Variants in ZIM2 observed in about 807,000 individuals in gnomAD.
ZIM2 encodes zinc finger protein 656.
ZIM2 carries 14 observed loss-of-function variants against 38.6 expected under a neutral mutation model. The observed-to-expected ratio is 0.36, with a 90% CI of 0.24 to 0.57. The LOEUF is 0.57. ZIM2 is among the 20% of genes least tolerant of loss of function. The pLI is 0.81. For missense variants in ZIM2, 680 were observed against 695.1 expected (o/e 0.98, Z 0.24); for synonymous variants, 247 against 245.8 (o/e 1.00, Z -0.04).
intron 9 of ZIM2, among the ~76,000 whole-genome samples, chr19:56,800,992 G>A (rs2047496394): frequency 6.7e-6 from 1 of 148,316 alleles, no homozygotes; most frequent in African/African-American, 2.5e-5. Context: ...CTGGAGTGCA[G>A]TGGCACGATC....
chr19:56,830,945 T>C (rs1384799645), intron 2 of ZIM2, among the ~76,000 whole-genome samples: 6 of 150,834 alleles, frequency 4.0e-5, no homozygotes, highest in Admixed American at 4.0e-4. Context: ...TAAAAAACAA[T>C]AAAAAATAAA....
At chr19:56,803,195 G>A (rs1200210070) in intron 9 of ZIM2, among the ~76,000 whole-genome samples, 1 of 152,204 alleles carries the variant, frequency 6.6e-6, no homozygotes, top group Non-Finnish European at 1.5e-5. Flanking sequence ...AATGCTTATT[G>A]ATGACCCCCA....
At position 56,823,377 on chromosome 19, in the gene ZIM2, A is replaced by C. The variant is rs139403207; in HGVS notation, c.106+213T>G. ...AATAGCTTTATATACTTTATCGTTGAATAAAACGGTATTAAGTATTTAAGG... is the reference window on the plus strand; with the variant it reads ...AATAGCTTTATATACTTTATCGTTGCATAAAACGGTATTAAGTATTTAAGG... On this transcript the variant is annotated intron_variant, in intron 5 of 12. Transcript: ENST00000629319. 2.8e-3 allele frequency among the ~76,000 whole-genome samples: 428 copies of C among 152,308 alleles called. 1 individual carries two copies. Among genetic ancestry groups the C allele is most frequent in the South Asian group, 7.3e-3 (35 of 4,822 alleles).
At chr19:56,812,063 G>A in intron 9 of ZIM2, 1 of 944,298 alleles carries the variant, frequency 1.1e-6, no homozygotes. Context: ...TCCCCCAGTG[G>A]GTACTTTAAT....
intron 10 of ZIM2, among the ~76,000 whole-genome samples, chr19:56,784,383 T>C (rs958496341): frequency 3.3e-5 from 5 of 152,204 alleles, no homozygotes; most frequent in Non-Finnish European, 7.3e-5. Context: ...AAAAAGATTG[T>C]TAAAAGAGAA....
chr19:56,815,883 C>T (rs2146183208), intron 9 of ZIM2: 1 of 1,613,350 alleles, frequency 6.2e-7, no homozygotes, highest in Middle Eastern at 1.7e-4. Flanking sequence ...CATTAGATTC[C>T]ACCAATTCAT....
At chr19:56,798,298 G>A (rs1018911714) in intron 9 of ZIM2, 7 of 152,192 alleles carry the variant, frequency 4.6e-5, no homozygotes, top group Admixed American at 3.3e-4. Flanking sequence ...CTAAAATACT[G>A]AGGTAAAGGC....
At chr19:56,812,237 T>C (rs1362786112) in intron 9 of ZIM2, 2 of 979,826 alleles carry the variant, frequency 2.0e-6, no homozygotes, top group Non-Finnish European at 2.4e-6. Flanking sequence ...GTCCACAGAA[T>C]AGGACACAAG....
intron 9 of ZIM2, among the ~76,000 whole-genome samples, chr19:56,803,358 A>G (rs1187384225): frequency 2.6e-5 from 4 of 152,196 alleles, no homozygotes; most frequent in Non-Finnish European, 5.9e-5. Context: ...TGGAAGTCCA[A>G]TGGTTCACTG....
At chr19:56,813,842 C>A (rs749731043) in intron 9 of ZIM2, 1 of 1,614,142 alleles carries the variant, frequency 6.2e-7, no homozygotes, top group Non-Finnish European at 8.5e-7. Flanking sequence ...TTTGCAGGCT[C>A]AAATATGATC....
chr19:56,828,439 T>A (rs1258424579), intron 2 of ZIM2, among the ~76,000 whole-genome samples: 2 of 152,152 alleles, frequency 1.3e-5, no homozygotes, highest in Non-Finnish European at 2.9e-5. Flanking sequence ...CATCTGCCCA[T>A]GTGCACAAAG....
chr19:56,827,414 C>A (rs2061151713), intron 2 of ZIM2, among the ~76,000 whole-genome samples: 1 of 151,314 alleles, frequency 6.6e-6, no homozygotes, highest in Non-Finnish European at 1.5e-5. Flanking sequence ...ACAGAAAAAC[C>A]TTAAAAAAAA....
Position 56,775,329 on chromosome 19 carries a change from A to G in ZIM2, c.1036T>C (p.Cys346Arg), listed in dbSNP as rs1342362036. 21 of 1,614,080 alleles carry G rather than the reference A, an allele frequency of 1.3e-5. No individual in the cohort carries two copies. The highest frequency in any genetic ancestry group is 1.7e-5 in the Non-Finnish European group (20 of 1,180,048). Reference sequence around the variant, plus strand: ...TGGGATGCTGACTGGGGACTCGTACATATTCCAGGAGCAGTGCCTTCCTGG... The same window carrying G: ...TGGGATGCTGACTGGGGACTCGTACGTATTCCAGGAGCAGTGCCTTCCTGG... ...DPQEGTAPGI[C>R]TSPQSASQEN... The change falls in exon 13 of 13, where the codon TGT becomes CGT. Residue 346 changes from cysteine to arginine, a missense_variant. Physicochemically the swap from Cys to Arg is radical, Grantham distance 180. Coordinates refer to ENST00000629319, the MANE Select transcript of ZIM2 (RefSeq NM_001387356.1).
chr19:56,824,010 C>CT (rs947297994), intron 4 of ZIM2, among the ~76,000 whole-genome samples: 22 of 152,298 alleles, frequency 1.4e-4, no homozygotes, highest in Admixed American at 1.4e-3. Flanking sequence ...CCTCTCCTGA[C>CT]TCAGGATGGT....
intron 9 of ZIM2, among the ~76,000 whole-genome samples, chr19:56,800,723 C>T (rs932122849): frequency 1.3e-5 from 2 of 151,640 alleles, no homozygotes; most frequent in Admixed American, 6.6e-5. Context: ...ATAAAATGAC[C>T]GATTATTTTA....
intron 10 of ZIM2, among the ~76,000 whole-genome samples, chr19:56,784,366 A>G (rs530310032): frequency 6.6e-6 from 1 of 152,362 alleles, no homozygotes; most frequent in African/African-American, 2.4e-5. Context: ...CAATATTATT[A>G]TATTAAAAAA....
rs112489027 is a variant in ZIM2, at chr19:56,779,338, T to TC, written c.835+38dup. On this transcript the variant is annotated intron_variant, in intron 12 of 12. Transcript: ENST00000629319. ...AGCTCTCTGACTAGCATTTACTGGT[T>TC]CCCCCTCCTACACCCCGGGCTTCCC... The TC allele has an allele frequency of 1.7e-3, 2,776 of 1,605,252 alleles. 40 individuals are homozygous for TC. The African/African-American group carries it at 0.033, about 19-fold the overall frequency.
intron 7 of ZIM2, among the ~76,000 whole-genome samples, chr19:56,820,069 T>C (rs2060333025): frequency 6.6e-6 from 1 of 152,238 alleles, no homozygotes; most frequent in Admixed American, 6.5e-5. Flanking sequence ...AAAATTAAAA[T>C]CTAGGCCAGT....
chr19:56,836,469 T>C (rs1423827622), intron 1 of ZIM2, among the ~76,000 whole-genome samples: 1 of 152,188 alleles, frequency 6.6e-6, no homozygotes, highest in African/African-American at 2.4e-5. Flanking sequence ...TATTAGGTAA[T>C]AGTACCCTTT....
Sources: allele counts gnomAD v4.1 joint callset (sites outside exome capture counted in the v4.1 genomes callset), GRCh38; gene constraint gnomAD v4.1.1; transcripts MANE v1.5; gene names NCBI Gene and HGNC (gene_info 2026-07-23, HGNC 2026-07-21).